The following CAST variants were observed in gnomAD, a reference collection of about 807,000 sequenced individuals.
CAST encodes calpastatin.
A neutral mutation model predicts 119.6 loss-of-function variants in CAST; 76 were observed. The observed-to-expected ratio is 0.64, with a 90% CI of 0.53 to 0.77. The LOEUF is 0.77. Ranked by LOEUF, CAST falls within the 30% of genes least tolerant of loss-of-function variation. CAST has a pLI of 0.00. For synonymous variants in CAST, 319 were observed against 331.6 expected, an observed-to-expected ratio of 0.96 and a Z score of 0.41; for missense variants, 953 against 946.5, an observed-to-expected ratio of 1.01 and a Z score of -0.09.
the CAST span, among the ~76,000 whole-genome samples, chr5:96,146,622 G>A: frequency 3.3e-5 from 5 of 152,244 alleles, no homozygotes; most frequent in Non-Finnish European, 7.3e-5. Context: ...GCTATTTTTA[G>A]AAGCCTAGTG....
At chr5:95,974,015 A>G in the CAST span, among the ~76,000 whole-genome samples, 2 of 151,954 alleles carry the variant, frequency 1.3e-5, no homozygotes, top group Non-Finnish European at 1.5e-5. Context: ...ACACACACAC[A>G]CACACACACA....
chr5:96,128,380 GCA>G, the CAST span, among the ~76,000 whole-genome samples: 1 of 152,024 alleles, frequency 6.6e-6, no homozygotes, highest in East Asian at 1.9e-4. Flanking sequence ...CCTGGACTCT[GCA>G]CAGTTAGGTT....
At chr5:96,543,183 C>G (rs1745944763) in intron 1 of CAST, among the ~76,000 whole-genome samples, 1 of 152,160 alleles carries the variant, frequency 6.6e-6, no homozygotes, top group African/African-American at 2.4e-5. Context: ...CACATATACA[C>G]CATGGAATAC....
At chr5:96,400,381 C>T in the CAST span, among the ~76,000 whole-genome samples, 120 of 152,336 alleles carry the variant, frequency 7.9e-4, 1 homozygote, top group African/African-American at 2.8e-3. Flanking sequence ...AAACTTCTCC[C>T]TGTAACATAT....
the CAST span, among the ~76,000 whole-genome samples, chr5:96,283,129 C>CAA: frequency 1.6e-4 from 4 of 24,288 alleles, no homozygotes; most frequent in Admixed American, 4.1e-4. Context: ...GACTCCGTCT[C>CAA]AAAAAAAAAA....
At chr5:96,652,312 A>G (rs550262322) in intron 1 of CAST, among the ~76,000 whole-genome samples, 3 of 152,390 alleles carry the variant, frequency 2.0e-5, no homozygotes, top group South Asian at 4.1e-4. Context: ...CTATAATTAG[A>G]ATACTCATGG....
At chr5:96,624,871 T>C (rs771170716) in intron 1 of CAST, among the ~76,000 whole-genome samples, 19 of 152,202 alleles carry the variant, frequency 1.2e-4, no homozygotes, top group Non-Finnish European at 2.2e-4. Context: ...TGTGCAAGGA[T>C]TGTTACTAGA....
chr5:95,962,015 C>G, the CAST span: 1 of 409,912 alleles, frequency 2.4e-6, no homozygotes, highest in Non-Finnish European at 4.3e-6. Context: ...GAGTTTTGCT[C>G]CTGGGACGGG....
the CAST span, among the ~76,000 whole-genome samples, chr5:96,489,053 G>C: frequency 7.3e-3 from 1,111 of 152,346 alleles, 14 homozygotes; most frequent in African/African-American, 0.026. Context: ...CTTGACTTCA[G>C]AAGAACTTGT....
chr5:96,432,289 G>A, the CAST span: 119 of 654,218 alleles, frequency 1.8e-4, no homozygotes, highest in African/African-American at 1.9e-3. Context: ...AGGCTACTCC[G>A]CGGCCTCCCA....
chr5:96,496,629 A>C, the CAST span, among the ~76,000 whole-genome samples: 1 of 152,242 alleles, frequency 6.6e-6, no homozygotes, highest in African/African-American at 2.4e-5. Flanking sequence ...AAGGAAAGAA[A>C]ACATTGGCAA....
chr5:96,448,570 G>A, the CAST span, among the ~76,000 whole-genome samples: 1 of 152,014 alleles, frequency 6.6e-6, no homozygotes, highest in African/African-American at 2.4e-5. Flanking sequence ...GCTGCTTTCT[G>A]CCTTTTCAGA....
Position 96,727,486 on chromosome 5 carries a change from T to G in CAST, c.337-3T>G, listed in dbSNP as rs776062170. 4 of 1,530,744 alleles carry G rather than the reference T, an allele frequency of 2.6e-6. No individual in the cohort carries two copies. The highest frequency in any genetic ancestry group is 3.6e-6 in the Non-Finnish European group (4 of 1,119,400). The allele number at this position is 1,530,744 out of a possible 1,614,324, so 94.8% of individuals were successfully genotyped here. A position where few individuals can be genotyped will look rare whatever the true frequency, so the allele number is the denominator to read the frequency against. ...TTTTTTCTTTCTTTTTTTCTGAACT[T>G]AGGCTGTAAAAACAGAACCTGAGAA... On this transcript the variant is annotated splice_polypyrimidine_tract_variant and splice_region_variant and intron_variant, in intron 5 of 31. Transcript: ENST00000675179.
the CAST span, among the ~76,000 whole-genome samples, chr5:96,494,725 T>C: frequency 2.6e-5 from 4 of 152,138 alleles, no homozygotes; most frequent in African/African-American, 9.7e-5. Context: ...GAACCATTAG[T>C]ATAAGAGTTC....
the CAST span, among the ~76,000 whole-genome samples, chr5:96,319,953 C>T: frequency 6.7e-6 from 1 of 149,706 alleles, no homozygotes; most frequent in Admixed American, 6.7e-5. Context: ...AACACCTTTC[C>T]TCACTACTAG....
At chr5:96,176,827 T>C in the CAST span, among the ~76,000 whole-genome samples, 1 of 152,220 alleles carries the variant, frequency 6.6e-6, no homozygotes, top group East Asian at 1.9e-4. Flanking sequence ...CTGCTACTGC[T>C]TTCTTAAATA....
chr5:96,489,394 G>C, the CAST span, among the ~76,000 whole-genome samples: 2 of 147,188 alleles, frequency 1.4e-5, no homozygotes, highest in Non-Finnish European at 3.0e-5. Context: ...CACAACCACA[G>C]AGAGTGATGT....
the CAST span, among the ~76,000 whole-genome samples, chr5:96,398,655 A>G: frequency 6.6e-6 from 1 of 152,218 alleles, no homozygotes; most frequent in Non-Finnish European, 1.5e-5. Context: ...ATTAATTAGC[A>G]TTATTTGAAT....
the CAST span, among the ~76,000 whole-genome samples, chr5:96,178,086 C>T: frequency 4.6e-5 from 7 of 152,192 alleles, no homozygotes; most frequent in South Asian, 4.1e-4. Context: ...ATATACATAT[C>T]TGGACATAAA....
Sources: gnomAD v4.1 joint callset for allele counts (sites outside exome capture counted in the v4.1 genomes callset) on GRCh38, gnomAD v4.1.1 for gene constraint, MANE v1.5 for transcripts, NCBI Gene and HGNC (gene_info 2026-07-23, HGNC 2026-07-21) for gene names.